NSL1: variants seen among roughly 807,000 people sequenced by gnomAD.
The protein encoded by NSL1 is NSL1 component of MIS12 kinetochore complex.
A neutral mutation model predicts 25.4 loss-of-function variants in NSL1; 11 were observed. That is an observed-to-expected ratio of 0.43 (90% CI 0.27 to 0.72). The LOEUF (loss-of-function observed/expected upper bound fraction) is 0.72, where lower values mean the gene tolerates loss of function less well. Ranked by LOEUF, NSL1 falls within the 30% of genes least tolerant of loss-of-function variation. The pLI, the probability that NSL1 is intolerant of heterozygous loss-of-function variation, is 0.19. For synonymous variants in NSL1, 118 were observed against 120.6 expected, an observed-to-expected ratio of 0.98 and a Z score of 0.14; for missense variants, 330 against 342.7, an observed-to-expected ratio of 0.96 and a Z score of 0.29.
At chr1:212,741,184 A>G (rs1407544072) in intron 4 of NSL1, among the ~76,000 whole-genome samples, 1 of 152,088 alleles carries the variant, frequency 6.6e-6, no homozygotes, top group Non-Finnish European at 1.5e-5. Flanking sequence ...GGGCATAACA[A>G]TTGTTAAATT....
At chr1:212,783,018 G>A (rs1474394496) in intron 3 of NSL1, among the ~76,000 whole-genome samples, 4 of 152,106 alleles carry the variant, frequency 2.6e-5, no homozygotes, top group Non-Finnish European at 5.9e-5. Flanking sequence ...AAGAAAAAAA[G>A]GTCTTCAGCC....
chr1:212,752,675 G>A (rs930812491), intron 4 of NSL1, among the ~76,000 whole-genome samples: 7 of 152,098 alleles, frequency 4.6e-5, no homozygotes, highest in African/African-American at 1.4e-4. Flanking sequence ...ATTGCTATAA[G>A]GATATTTTTA....
intron 5 of NSL1, among the ~76,000 whole-genome samples, 200 bp downstream of exon 5, chr1:212,739,334 A>G (rs1571863653): frequency 1.3e-5 from 2 of 152,326 alleles, no homozygotes; most frequent in Admixed American, 1.3e-4. Flanking sequence ...AGACAGGTAT[A>G]TTACCTGGCA....
In NSL1 at chr1:212,726,974, T is replaced by G; in HGVS notation, c.*11434A>C. 1 of 703,208 alleles carries G rather than the reference T, an allele frequency of 1.4e-6. No individual in the cohort carries two copies. Among genetic ancestry groups the G allele is most frequent in the Non-Finnish European group, 2.3e-6 (1 of 442,072 alleles). The allele number at this position is 703,208 out of a possible 1,614,324, so 43.6% of individuals were successfully genotyped here. A position where few individuals can be genotyped will look rare whatever the true frequency, so the allele number is the denominator to read the frequency against. On this transcript the variant is annotated 3_prime_UTR_variant, in exon 6 of 6. Transcript: ENST00000366977. ...GTGGGTGAAGAGCACAGGGAGAGTG[T>G]GCTTCCTGGCTGTGTCCTCTCAGAG...
chr1:212,766,301 C>T (rs1181116437), intron 4 of NSL1: 2 of 600,320 alleles, frequency 3.3e-6, no homozygotes, highest in East Asian at 5.9e-5. Flanking sequence ...TGCCCACTTT[C>T]ACCACTTCTA....
chr1:212,740,243 A>G (rs1264969802), intron 4 of NSL1, among the ~76,000 whole-genome samples: 1 of 152,210 alleles, frequency 6.6e-6, no homozygotes, highest in East Asian at 1.9e-4. Flanking sequence ...GAGTCAAAGC[A>G]AGTACATAAC....
chr1:212,735,988 G>A lies in NSL1; in HGVS notation c.*2420C>T. On this transcript the variant is annotated 3_prime_UTR_variant, in exon 6 of 6. Transcript: ENST00000366977. ...TTTTGGTACCAGTTTTCAGAAACCA[G>A]CTTTGACAGTGTTCTCTCTTCTTTG... 1 of 985,396 alleles carries A rather than the reference G, an allele frequency of 1.0e-6. No homozygotes were observed. Among genetic ancestry groups the A allele is most frequent in the Non-Finnish European group, 1.2e-6 (1 of 829,914 alleles). 61.0% of individuals were successfully genotyped at this position (985,396 alleles called of 1,614,324 possible). A position where few individuals can be genotyped will look rare whatever the true frequency, so the allele number is the denominator to read the frequency against.
chr1:212,773,891 G>A (rs1358127926), intron 4 of NSL1, among the ~76,000 whole-genome samples: 2 of 151,888 alleles, frequency 1.3e-5, no homozygotes, highest in African/African-American at 4.8e-5. Context: ...CAGCAACAAG[G>A]ATGGAACTGG....
chr1:212,788,092 T>C (rs1294002428), intron 1 of NSL1, among the ~76,000 whole-genome samples: 2 of 152,192 alleles, frequency 1.3e-5, no homozygotes, highest in Non-Finnish European at 2.9e-5. Flanking sequence ...AGCGATGAAA[T>C]GACATGAGAT....
chr1:212,751,732 A>G (rs1659075413), intron 4 of NSL1, among the ~76,000 whole-genome samples: 1 of 152,180 alleles, frequency 6.6e-6, no homozygotes, highest in Admixed American at 6.5e-5. Context: ...AGACAAAAGA[A>G]GGAAAACACA....
chr1:212,739,336 T>C (rs566628357), intron 5 of NSL1, among the ~76,000 whole-genome samples, 198 bp downstream of exon 5: 17 of 152,346 alleles, frequency 1.1e-4, no homozygotes, highest in African/African-American at 4.1e-4. Context: ...ACAGGTATAT[T>C]ACCTGGCACA....
chr1:212,784,830 C>T (rs1227563763), intron 2 of NSL1, among the ~76,000 whole-genome samples: 1 of 152,136 alleles, frequency 6.6e-6, no homozygotes, highest in Non-Finnish European at 1.5e-5. Context: ...AAAATGCCAT[C>T]AGGACACAGA....
In NSL1 at chr1:212,760,158, A is replaced by ACT. The variant is rs1558050134; in HGVS notation, c.500-20558_500-20557insAG. On this transcript the variant is annotated intron_variant, in intron 4 of 5. Coordinates refer to ENST00000366977, the MANE Select transcript of NSL1 (RefSeq NM_015471.4). The surrounding 1 kb of genome is among the most constrained non-coding windows in gnomAD (Gnocchi z 4.3). ...GCTTCTGGGGCACACACACACACAC[A>ACT]CCATAAGGGAGCTTAACAGCAGGTC... is the stretch of plus-strand genomic sequence containing the variant. Among the ~76,000 whole-genome samples the ACT allele has an allele frequency of 6.6e-6, 1 of 151,756 alleles. No individual in the cohort carries two copies. The highest frequency in any genetic ancestry group is 2.4e-5 in the African/African-American group (1 of 41,290).
chr1:212,791,442 G>T, intron 1 of NSL1, 88 bp downstream of exon 1: 1 of 1,244,500 alleles, frequency 8.0e-7, no homozygotes, highest in Admixed American at 2.0e-5. Flanking sequence ...ATTCTGCCAA[G>T]GCCTGGCGTG....
At chr1:212,746,204 A>T (rs1293818394) in intron 4 of NSL1, among the ~76,000 whole-genome samples, 1 of 152,232 alleles carries the variant, frequency 6.6e-6, no homozygotes, top group Non-Finnish European at 1.5e-5. Context: ...TGCATCAAAC[A>T]ACAATTATAA....
chr1:212,751,719 T>C (rs1344924891), intron 4 of NSL1, among the ~76,000 whole-genome samples: 1 of 146,666 alleles, frequency 6.8e-6, no homozygotes, highest in South Asian at 2.2e-4. Context: ...CCATTTTTTT[T>C]AAAGACAAAA....
Position 212,748,110 on chromosome 1 carries a change from T to G in NSL1, c.500-8509A>C, listed in dbSNP as rs9970720. Reference sequence around the variant, plus strand: ...GATTGTAGATAAATACTATAATTCCTTCACTTTAATGTGATTTATGTCATC... The same window carrying G: ...GATTGTAGATAAATACTATAATTCCGTCACTTTAATGTGATTTATGTCATC... On this transcript the variant is annotated intron_variant, in intron 4 of 5. Transcript: ENST00000366977. Among the ~76,000 whole-genome samples the G allele has an allele frequency of 4.4e-3, 676 of 152,354 alleles. 9 individuals are homozygous for G. Among genetic ancestry groups the G allele is most frequent in the African/African-American group, 0.016 (647 of 41,578 alleles).
At position 212,736,130 on chromosome 1, in the gene NSL1, A is replaced by T. The variant is rs113505281; in HGVS notation, c.*2278T>A. 0.19 allele frequency: 162,286 copies of T among 837,084 alleles called. 16,986 individuals are homozygous for T. Among genetic ancestry groups the T allele is most frequent in the African/African-American group, 0.38 (20,739 of 54,260 alleles). 51.9% of individuals were successfully genotyped at this position (837,084 alleles called of 1,614,324 possible). On this transcript the variant is annotated 3_prime_UTR_variant, in exon 6 of 6. Transcript: ENST00000366977. The stretch of plus-strand genomic sequence containing the variant: ...CTGGCTCACTGCAACTTCTGCCTCC[A>T]GGGCTCAAGTGATCCTCTCATTTCA...
chr1:212,762,320 A>G (rs1558051411), intron 4 of NSL1, among the ~76,000 whole-genome samples: 1 of 150,490 alleles, frequency 6.6e-6, no homozygotes, highest in East Asian at 2.4e-4. Flanking sequence ...AAAAAAAAAA[A>G]AAAAAAGAAA....
Sources: gnomAD v4.1 joint callset for allele counts (sites outside exome capture counted in the v4.1 genomes callset) on GRCh38, gnomAD v4.1.1 for gene constraint, Gnocchi (gnomAD v3.1) non-coding constraint, MANE v1.5 for transcripts, NCBI Gene and HGNC (gene_info 2026-07-23, HGNC 2026-07-21) for gene names.